The following NRG3 variants were observed in gnomAD, a reference collection of about 807,000 sequenced individuals.
NRG3 encodes the protein neuregulin 3.
In NRG3, 31 loss-of-function variants were observed where a neutral mutation model predicts 66.9. The observed-to-expected ratio is 0.46, with a 90% CI of 0.35 to 0.63. The LOEUF is 0.63. Ranked by LOEUF, NRG3 falls within the 20% of genes least tolerant of loss-of-function variation. The pLI is 0.00. For missense variants in NRG3, 910 were observed against 878.9 expected, an observed-to-expected ratio of 1.04 and a Z score of -0.45; for synonymous variants, 393 against 359.4, an observed-to-expected ratio of 1.09 and a Z score of -1.06.
chr10:82,392,016 A>C (rs2086407566), intron 2 of NRG3, among the ~76,000 whole-genome samples: 1 of 151,318 alleles, frequency 6.6e-6, no homozygotes, highest in African/African-American at 2.4e-5. Flanking sequence ...AAAAACAAAA[A>C]AAAAACCCAC....
intron 2 of NRG3, among the ~76,000 whole-genome samples, chr10:82,636,363 C>A (rs1005640397): frequency 2.0e-5 from 3 of 151,986 alleles, no homozygotes; most frequent in Non-Finnish European, 4.4e-5. Context: ...AAATACCATT[C>A]TTCTCCAAAA....
intron 1 of NRG3, among the ~76,000 whole-genome samples, chr10:82,285,652 G>C (rs1371546244): frequency 6.6e-6 from 1 of 152,112 alleles, no homozygotes; most frequent in Non-Finnish European, 1.5e-5. Context: ...ACACGCCAAG[G>C]CTGGTGGCCA....
chr10:82,013,864 G>T (rs545916564), intron 1 of NRG3, among the ~76,000 whole-genome samples: 1 of 151,902 alleles, frequency 6.6e-6, no homozygotes, highest in Non-Finnish European at 1.5e-5. Context: ...CAATTTATTC[G>T]TATTTTTTTT....
intron 3 of NRG3, among the ~76,000 whole-genome samples, chr10:82,858,038 A>G (rs1441473636): frequency 6.6e-6 from 1 of 152,016 alleles, no homozygotes; most frequent in African/African-American, 2.4e-5. Context: ...CTCCTTTCCC[A>G]CTGTGGGATT....
At chr10:82,165,240 A>G (rs1018307421) in intron 1 of NRG3, among the ~76,000 whole-genome samples, 1 of 152,182 alleles carries the variant, frequency 6.6e-6, no homozygotes, top group African/African-American at 2.4e-5. Context: ...CAAATTTTCA[A>G]TGAGAAGTAG....
rs566856225 is a variant in NRG3 at position 82,552,163 on chromosome 10, A to G, written c.954-186414A>G. Among the ~76,000 whole-genome samples the G allele has an allele frequency of 6.6e-5, 10 of 152,172 alleles. No homozygotes were observed. The South Asian group carries it at 2.1e-3, about 32-fold the overall frequency. ...TTGAAAATGGTGATATTCAAAATCCATATTTTTTTTTACATATTAGTTGAA... is the reference window on the plus strand; with the variant it reads ...TTGAAAATGGTGATATTCAAAATCCGTATTTTTTTTTACATATTAGTTGAA... On this transcript the variant is annotated intron_variant, in intron 2 of 8. Coordinates refer to ENST00000372141, the MANE Select transcript of NRG3 (RefSeq NM_001010848.4).
intron 2 of NRG3, among the ~76,000 whole-genome samples, chr10:82,530,935 T>C (rs73309858): frequency 0.021 from 3,233 of 151,966 alleles, 54 homozygotes; most frequent in Middle Eastern, 0.068. Flanking sequence ...TAAAAGGCAA[T>C]TTATTTGTTG....
At position 82,462,095 on chromosome 10, in the gene NRG3, C is replaced by T. The variant is rs183711820; in HGVS notation, c.953+103227C>T. Among the ~76,000 whole-genome samples the T allele has an allele frequency of 6.2e-3, 946 of 152,272 alleles. 9 individuals are homozygous for T. Among genetic ancestry groups the T allele is most frequent in the Non-Finnish European group, 0.01 (706 of 68,030 alleles). ...GCGGTGAGCTGAGATCACACCATTG[C>T]ATTCCAGCCTGGACAACAAGAGTGA... On this transcript the variant is annotated intron_variant, in intron 2 of 8. Transcript: ENST00000372141.
At chr10:82,166,085 C>T (rs1173511288) in intron 1 of NRG3, among the ~76,000 whole-genome samples, 2 of 152,114 alleles carry the variant, frequency 1.3e-5, no homozygotes, top group African/African-American at 2.4e-5. Flanking sequence ...TGCAACAGCG[C>T]GATCTCAGCT....
chr10:82,644,544 A>G (rs1032403522), intron 2 of NRG3, among the ~76,000 whole-genome samples: 1 of 152,182 alleles, frequency 6.6e-6, no homozygotes, highest in Non-Finnish European at 1.5e-5. Flanking sequence ...ACTAATGAGG[A>G]AACTAGTGAG....
intron 2 of NRG3, among the ~76,000 whole-genome samples, chr10:82,417,492 A>G (rs897636111): frequency 6.6e-6 from 1 of 152,202 alleles, no homozygotes; most frequent in African/African-American, 2.4e-5. Context: ...CACAGTGAAC[A>G]GTGTTTATGT....
At chr10:82,725,657 A>C (rs1229097159) in intron 2 of NRG3, among the ~76,000 whole-genome samples, 2 of 152,146 alleles carry the variant, frequency 1.3e-5, no homozygotes, top group South Asian at 2.1e-4. Flanking sequence ...AATACAGTAC[A>C]CCTGTTCACA....
intron 1 of NRG3, among the ~76,000 whole-genome samples, chr10:81,954,052 T>C (rs1408787866): frequency 1.3e-5 from 2 of 152,180 alleles, no homozygotes; most frequent in Non-Finnish European, 2.9e-5. Flanking sequence ...ATCTTTTATA[T>C]CTTTAAAAAT....
Position 82,879,170 on chromosome 10 carries a change from A to G in NRG3, c.1054+13733A>G, listed in dbSNP as rs148804352. On this transcript the variant is annotated intron_variant, in intron 4 of 8. Transcript: ENST00000372141. ...TTCTCATCAGCCTCTTCACTAGAAA[A>G]TAAGTTCTGTGATAGTAGAACTTGC... Among the ~76,000 whole-genome samples the G allele has an allele frequency of 2.6e-3, 394 of 152,346 alleles. 2 individuals carry two copies. The highest frequency in any genetic ancestry group is 6.8e-3 in the Middle Eastern group (2 of 294).
At chr10:82,222,753 T>C (rs2076000610) in intron 1 of NRG3, among the ~76,000 whole-genome samples, 1 of 152,212 alleles carries the variant, frequency 6.6e-6, no homozygotes, top group Non-Finnish European at 1.5e-5. Flanking sequence ...TCTTCTGAAT[T>C]CTAGGTAGAC....
chr10:82,847,457 TGAG>T (rs529549136), intron 3 of NRG3, among the ~76,000 whole-genome samples: 44 of 152,294 alleles, frequency 2.9e-4, no homozygotes, highest in African/African-American at 1.1e-3. Flanking sequence ...CTTCAATAGA[TGAG>T]GAACTGAAAC....
At chr10:82,177,587 T>C (rs964657339) in intron 1 of NRG3, among the ~76,000 whole-genome samples, 62 of 152,020 alleles carry the variant, frequency 4.1e-4, no homozygotes, top group African/African-American at 1.3e-3. Flanking sequence ...TTAGAATAAT[T>C]TTTTTTGACA....
chr10:82,919,895 A>G (rs895228280), intron 4 of NRG3, among the ~76,000 whole-genome samples: 1 of 152,150 alleles, frequency 6.6e-6, no homozygotes, highest in Non-Finnish European at 1.5e-5. Flanking sequence ...AAATTTCTCA[A>G]ATTACTGTCT....
intron 1 of NRG3, among the ~76,000 whole-genome samples, chr10:82,306,414 C>T (rs904453781): frequency 1.3e-5 from 2 of 151,932 alleles, no homozygotes; most frequent in African/African-American, 4.8e-5. Context: ...AAAAGTCTGG[C>T]AGAATTCGGC....
Sources: gnomAD v4.1 joint callset for allele counts (sites outside exome capture counted in the v4.1 genomes callset) on GRCh38, gnomAD v4.1.1 for gene constraint, MANE v1.5 for transcripts, NCBI Gene and HGNC (gene_info 2026-07-23, HGNC 2026-07-21) for gene names.